DCAF8L2: variants seen among roughly 807,000 people sequenced by gnomAD.
DCAF8L2 encodes DDB1- and CUL4-associated factor 8-like protein 2.
For synonymous variants in DCAF8L2, 200 were observed against 190.9 expected (o/e 1.05, Z -0.39); for missense variants, 430 against 490.7 (o/e 0.88, Z 1.17).
chrX:27,702,573 TATC>T (rs1410301399), intron 3 of DCAF8L2, among the ~76,000 whole-genome samples: 52 of 111,050 alleles, frequency 4.7e-4, no homozygotes, highest in African/African-American at 1.7e-3. Context: ...TGATTTAATA[TATC>T]ATATTAATAG....
At chrX:27,721,644 T>C (rs990012084) in intron 4 of DCAF8L2, among the ~76,000 whole-genome samples, 4 of 111,004 alleles carry the variant, frequency 3.6e-5, no homozygotes, top group Non-Finnish European at 7.6e-5. Flanking sequence ...AATAATAAAG[T>C]AGATTAGCTC....
the DCAF8L2 span, among the ~76,000 whole-genome samples, chrX:27,505,235 G>A: frequency 1.8e-5 from 2 of 111,166 alleles, no homozygotes; most frequent in Admixed American, 9.7e-5. Flanking sequence ...GGTAAGTGGT[G>A]GTTGACCCTA....
At chrX:27,684,198 GAGA>G (rs948967113) in intron 3 of DCAF8L2, among the ~76,000 whole-genome samples, 7 of 111,639 alleles carry the variant, frequency 6.3e-5, no homozygotes, top group African/African-American at 2.0e-4. Context: ...GGAACCAAAG[GAGA>G]AGAAGTGACA....
chrX:27,591,014 T>TATATAA (rs201564902), intron 1 of DCAF8L2, among the ~76,000 whole-genome samples: 1 of 96,798 alleles, frequency 1.0e-5, no homozygotes, highest in African/African-American at 3.6e-5. Context: ...TATATATATA[T>TATATAA]AAATAAATAA....
At chrX:27,585,959 G>C (rs970623007), upstream of DCAF8L2, among the ~76,000 whole-genome samples, 7 of 111,533 alleles carry the variant, frequency 6.3e-5, no homozygotes, top group Non-Finnish European at 1.1e-4. Flanking sequence ...GGCCTCTTAT[G>C]ATCTCATGCT....
intron 3 of DCAF8L2, among the ~76,000 whole-genome samples, chrX:27,710,568 A>G (rs1931491663): frequency 8.9e-6 from 1 of 111,914 alleles, no homozygotes; most frequent in South Asian, 3.6e-4. Context: ...ACAAACTAAT[A>G]TTTTATTCAT....
chrX:27,545,892 C>A, the DCAF8L2 span, among the ~76,000 whole-genome samples: 2 of 111,359 alleles, frequency 1.8e-5, no homozygotes, highest in African/African-American at 3.3e-5. Context: ...GAACACAGAA[C>A]CAAACCATAT....
At chrX:27,654,141 T>C (rs994134009) in intron 2 of DCAF8L2, among the ~76,000 whole-genome samples, 8 of 111,134 alleles carry the variant, frequency 7.2e-5, no homozygotes, top group African/African-American at 2.6e-4. Context: ...GAGCTGCTCC[T>C]CTCTGGCATG....
chrX:27,543,930 G>T, the DCAF8L2 span, among the ~76,000 whole-genome samples: 1 of 111,739 alleles, frequency 8.9e-6, no homozygotes, highest in Non-Finnish European at 1.9e-5. Flanking sequence ...GCTATTCAGA[G>T]GGCCTGAAAA....
At chrX:27,518,827 C>G in the DCAF8L2 span, 7 of 526,118 alleles carry the variant, frequency 1.3e-5, no homozygotes, top group South Asian at 1.7e-4. Flanking sequence ...TGCTTTGAGT[C>G]TGAATATTTA....
chrX:27,559,885 A>G, the DCAF8L2 span, among the ~76,000 whole-genome samples: 1 of 111,462 alleles, frequency 9.0e-6, no homozygotes, highest in Non-Finnish European at 1.9e-5. Flanking sequence ...TTCTCCTTCC[A>G]GGTCTCTGAC....
At chrX:27,499,835 G>GT in the DCAF8L2 span, among the ~76,000 whole-genome samples, 10 of 45,597 alleles carry the variant, frequency 2.2e-4, no homozygotes, top group East Asian at 0.014. Context: ...AGATTTGGTG[G>GT]TGGGGGGGGG....
At chrX:27,512,797 A>C in the DCAF8L2 span, among the ~76,000 whole-genome samples, 2 of 97,213 alleles carry the variant, frequency 2.1e-5, no homozygotes, top group Non-Finnish European at 4.1e-5. Context: ...AAAAAAAAAA[A>C]AAAAAAAAAA....
chrX:27,653,142 G>A (rs1265127270), intron 2 of DCAF8L2, among the ~76,000 whole-genome samples: 1 of 111,986 alleles, frequency 8.9e-6, no homozygotes, highest in African/African-American at 3.2e-5. Context: ...GAGGAAGGAG[G>A]TAGTTGCTAT....
At chrX:27,710,552 G>T (rs1361327528) in intron 3 of DCAF8L2, among the ~76,000 whole-genome samples, 1 of 111,314 alleles carries the variant, frequency 9.0e-6, no homozygotes, top group Non-Finnish European at 1.9e-5. Context: ...AGGTACTATT[G>T]TAAATACAAA....
chrX:27,506,221 T>C, the DCAF8L2 span, among the ~76,000 whole-genome samples: 1 of 111,865 alleles, frequency 8.9e-6, no homozygotes, highest in Admixed American at 9.6e-5. Context: ...CATTCTCACT[T>C]CAAATCTTTG....
At chrX:27,651,505 CTTTTTTTTTTTTTT>C (rs1170253991) in intron 2 of DCAF8L2, among the ~76,000 whole-genome samples, 1 of 88,216 alleles carries the variant, frequency 1.1e-5, no homozygotes, top group Non-Finnish European at 2.2e-5. Context: ...AGTAGATAAC[CTTTTTTTTTTTTTT>C]TTTTTTTTGA....
the DCAF8L2 span, among the ~76,000 whole-genome samples, chrX:27,581,589 A>ATC: frequency 1.1e-5 from 1 of 95,144 alleles, no homozygotes; most frequent in Admixed American, 1.2e-4. Context: ...ATTTAATACA[A>ATC]TTTTTTTTTT....
At chrX:27,712,981 A>G (rs1931579573) in intron 3 of DCAF8L2, among the ~76,000 whole-genome samples, 2 of 111,841 alleles carry the variant, frequency 1.8e-5, no homozygotes, top group East Asian at 2.8e-4. Flanking sequence ...TCTTGAATTA[A>G]TTAACAGTGA....
Sources: gnomAD v4.1 joint callset for allele counts (sites outside exome capture counted in the v4.1 genomes callset) on GRCh38, gnomAD v4.1.1 for gene constraint, MANE v1.5 for transcripts, NCBI Gene and HGNC (gene_info 2026-07-23, HGNC 2026-07-21) for gene names.